The following MEI1 variants were observed in gnomAD, a reference collection of about 807,000 sequenced individuals.
The protein encoded by MEI1 is meiotic double-stranded break formation protein 1.
In MEI1, 103 loss-of-function variants were observed where a neutral mutation model predicts 146.2. That is an observed-to-expected ratio of 0.70 (90% CI 0.60 to 0.83). The LOEUF (loss-of-function observed/expected upper bound fraction) is 0.83, where lower values mean the gene tolerates loss of function less well. MEI1 is among the 40% of genes least tolerant of loss of function. MEI1 has a pLI of 0.00. For missense variants in MEI1, 1,529 were observed against 1,533.0 expected (o/e 1.00, Z 0.04); for synonymous variants, 652 against 628.2 (o/e 1.04, Z -0.57).
chr22:41,754,081 G>A lies in MEI1; in HGVS notation c.1951+35G>A, dbSNP rs749802983. On this transcript the variant is annotated intron_variant, in intron 17 of 30. Transcript: ENST00000401548. ...TACAATTTGACCACTCATGTGGCCT[G>A]TGCTGGTCTTTAGAGTCTGGGTGCC... The A allele has an allele frequency of 4.0e-6, 6 of 1,492,048 alleles. No individual in the cohort carries two copies. The Middle Eastern group carries it at 8.6e-4, about 213-fold the overall frequency. The allele number at this position is 1,492,048 out of a possible 1,614,324, so 92.4% of individuals were successfully genotyped here.
At chr22:41,720,724 G>A (rs1162048678) in intron 6 of MEI1, among the ~76,000 whole-genome samples, 3 of 147,586 alleles carry the variant, frequency 2.0e-5, no homozygotes, top group Admixed American at 6.8e-5. Flanking sequence ...AGTCTCCCGA[G>A]TAGCTGAGAT....
chr22:41,708,881 G>C (rs1192031255), intron 3 of MEI1, among the ~76,000 whole-genome samples: 1 of 152,218 alleles, frequency 6.6e-6, no homozygotes, highest in African/African-American at 2.4e-5. Context: ...CTGAAAGGTA[G>C]AGAGGGAGAA....
chr22:41,737,188 G>A (rs2072448144), intron 11 of MEI1, among the ~76,000 whole-genome samples: 2 of 151,684 alleles, frequency 1.3e-5, no homozygotes, highest in South Asian at 4.1e-4. Flanking sequence ...TTTCCTAATT[G>A]ACCTTATCAG....
At chr22:41,798,890 A>G (rs953667403) in intron 30 of MEI1, among the ~76,000 whole-genome samples, 25 of 151,862 alleles carry the variant, frequency 1.6e-4, no homozygotes, top group Admixed American at 3.3e-4. Flanking sequence ...AAAAAAAAAA[A>G]AAAGCAAGCT....
At chr22:41,755,373 G>GGA (rs1455073882) in intron 17 of MEI1, among the ~76,000 whole-genome samples, 1 of 152,088 alleles carries the variant, frequency 6.6e-6, no homozygotes, top group Non-Finnish European at 1.5e-5. Flanking sequence ...ATGCTGAGAG[G>GGA]GAGCAAAGCC....
intron 24 of MEI1, 110 bp downstream of exon 24, chr22:41,781,955 G>A (rs2075773475): frequency 7.9e-7 from 1 of 1,258,802 alleles, no homozygotes; most frequent in Non-Finnish European, 1.1e-6. Context: ...TGTGACCTTG[G>A]CAAGGTATTT....
At chr22:41,734,784 C>T (rs1421797721) in intron 11 of MEI1, among the ~76,000 whole-genome samples, 1 of 150,970 alleles carries the variant, frequency 6.6e-6, no homozygotes, top group Non-Finnish European at 1.5e-5. Context: ...ACTACAGGTG[C>T]GTGCCACCAT....
Position 41,743,062 on chromosome 22 carries a change from T to C in MEI1, c.1332-18T>C. 1 of 1,592,674 alleles carries C rather than the reference T, an allele frequency of 6.3e-7. No individual in the cohort carries two copies. The highest frequency in any genetic ancestry group is 8.6e-7 in the Non-Finnish European group (1 of 1,162,678). ...CCGTTGCCTTACCGTGAACCTGCTT[T>C]TGTCTCTCTGGATGCAGGAAGGACC... On this transcript the variant is annotated intron_variant, in intron 11 of 30. Transcript: ENST00000401548.
chr22:41,758,730 GAC>G (rs2074263512), intron 18 of MEI1, among the ~76,000 whole-genome samples, 197 bp downstream of exon 18: 1 of 152,234 alleles, frequency 6.6e-6, no homozygotes, highest in Admixed American at 6.5e-5. Context: ...TGTGCTGAGA[GAC>G]AGAGGCCTAG....
chr22:41,715,887 G>C (rs1389168213), intron 4 of MEI1, among the ~76,000 whole-genome samples, 154 bp from the exon 5 acceptor site: 3 of 152,184 alleles, frequency 2.0e-5, no homozygotes, highest in African/African-American at 7.2e-5. Context: ...CCAGTCCAGT[G>C]GGGGAGCTGG....
intron 3 of MEI1, chr22:41,709,335 G>T (rs1601649914): frequency 1.3e-6 from 1 of 766,710 alleles, no homozygotes; most frequent in East Asian, 2.6e-5. Context: ...TTCCCTTTGG[G>T]TACCTTCTCT....
chr22:41,732,622 C>T lies in MEI1; in HGVS notation c.1331+19C>T. The T allele has an allele frequency of 6.2e-7, 1 of 1,609,044 alleles. No homozygotes were observed. Reference sequence around the variant, plus strand: ...TTCTGAGGTGAGAGACCCAGGCAGGCTGAACTTTCCATCCCTGCATATACC... The same window carrying T: ...TTCTGAGGTGAGAGACCCAGGCAGGTTGAACTTTCCATCCCTGCATATACC... On this transcript the variant is annotated intron_variant, in intron 11 of 30. Transcript: ENST00000401548.
At chr22:41,755,766 CATT>C (rs1245457980) in intron 17 of MEI1, among the ~76,000 whole-genome samples, 8 of 152,074 alleles carry the variant, frequency 5.3e-5, no homozygotes, top group Non-Finnish European at 8.8e-5. Context: ...ATATTTGTTT[CATT>C]ATTATTATAT....
intron 14 of MEI1, chr22:41,747,187 A>T (rs185089193): frequency 6.6e-5 from 10 of 151,866 alleles, no homozygotes; most frequent in African/African-American, 2.4e-4. Context: ...GTGACTACCC[A>T]AGGGCACACT....
chr22:41,732,637 C>A, intron 11 of MEI1, 34 bp downstream of exon 11: 2 of 1,601,982 alleles, frequency 1.2e-6, no homozygotes, highest in South Asian at 1.1e-5. Flanking sequence ...CTTTCCATCC[C>A]TGCATATACC....
At chr22:41,734,197 A>G (rs971192560) in intron 11 of MEI1, among the ~76,000 whole-genome samples, 38 of 152,198 alleles carry the variant, frequency 2.5e-4, no homozygotes, top group African/African-American at 8.7e-4. Flanking sequence ...ATATGCAAAT[A>G]CTATACCATT....
intron 19 of MEI1, among the ~76,000 whole-genome samples, chr22:41,763,877 CTA>C (rs1398232926): frequency 6.6e-6 from 1 of 151,812 alleles, no homozygotes; most frequent in Non-Finnish European, 1.5e-5. Flanking sequence ...AGCACTTAAC[CTA>C]TGTTTCCTAT....
chr22:41,709,329 C>T, intron 3 of MEI1: 1 of 770,984 alleles, frequency 1.3e-6, no homozygotes, highest in Non-Finnish European at 2.3e-6. Context: ...CCCTTTTTCC[C>T]TTTGGGTACC....
chr22:41,719,637 T>C (rs78767783), intron 6 of MEI1, among the ~76,000 whole-genome samples: 90 of 152,286 alleles, frequency 5.9e-4, no homozygotes, highest in Non-Finnish European at 1.1e-3. Flanking sequence ...TACCGCTGCA[T>C]TGGGGATTCA....
Sources: allele counts gnomAD v4.1 joint callset (sites outside exome capture counted in the v4.1 genomes callset), GRCh38; gene constraint gnomAD v4.1.1; transcripts MANE v1.5; gene names NCBI Gene and HGNC (gene_info 2026-07-23, HGNC 2026-07-21).